Variants in NRXN1 observed in about 807,000 individuals in gnomAD.
NRXN1 encodes the protein neurexin-1.
In NRXN1, 39 loss-of-function variants were observed where a neutral mutation model predicts 150.9. The ratio of observed to expected loss-of-function variants is 0.26; its 90% CI spans 0.20 to 0.34. The LOEUF is 0.34. Ranked by LOEUF, NRXN1 falls within the 10% of genes least tolerant of loss-of-function variation. NRXN1 has a pLI of 1.00. For missense variants in NRXN1, 1,815 were observed against 1,949.9 expected (o/e 0.93, Z 1.30); for synonymous variants, 924 against 757.0 (o/e 1.22, Z -3.62).
intron 17 of NRXN1, among the ~76,000 whole-genome samples, chr2:50,409,498 G>C (rs1222096789): frequency 2.0e-5 from 3 of 152,174 alleles, no homozygotes; most frequent in African/African-American, 4.8e-5. Context: ...AAGTAGGCTT[G>C]TCATTCTCAA....
intron 18 of NRXN1, among the ~76,000 whole-genome samples, chr2:50,216,992 A>G (rs2063446427): frequency 1.3e-5 from 2 of 152,164 alleles, no homozygotes; most frequent in South Asian, 4.1e-4. Flanking sequence ...GGCTAAAAAC[A>G]GCTTCCCAGT....
intron 17 of NRXN1, among the ~76,000 whole-genome samples, chr2:50,292,827 C>T (rs1310769450): frequency 1.3e-5 from 2 of 152,004 alleles, no homozygotes; most frequent in African/African-American, 4.8e-5. Flanking sequence ...CTCAATAATG[C>T]CAAATCTTGA....
chr2:50,622,525 T>C (rs952312979), intron 6 of NRXN1, among the ~76,000 whole-genome samples: 1 of 152,206 alleles, frequency 6.6e-6, no homozygotes, highest in African/African-American at 2.4e-5. Flanking sequence ...CCAAAACTTA[T>C]AATGTTCAAT....
intron 5 of NRXN1, among the ~76,000 whole-genome samples, chr2:50,876,739 G>A (rs780624599): frequency 2.6e-5 from 4 of 151,608 alleles, no homozygotes; most frequent in Admixed American, 6.6e-5. Flanking sequence ...TTTGCCTACC[G>A]TTCGGCTCTT....
intron 2 of NRXN1, among the ~76,000 whole-genome samples, chr2:51,020,407 T>C (rs1669422546): frequency 6.6e-6 from 1 of 152,002 alleles, no homozygotes; most frequent in African/African-American, 2.4e-5. Flanking sequence ...TTTTAAAGCA[T>C]AATAATAAGA....
intron 5 of NRXN1, among the ~76,000 whole-genome samples, chr2:50,676,110 C>T (rs546099107): frequency 6.6e-6 from 1 of 152,114 alleles, no homozygotes; most frequent in South Asian, 2.1e-4. Flanking sequence ...CCTCCCAGAG[C>T]TAATGATTTT....
At chr2:50,210,583 A>G (rs1040867554) in intron 18 of NRXN1, among the ~76,000 whole-genome samples, 3 of 151,754 alleles carry the variant, frequency 2.0e-5, no homozygotes, top group African/African-American at 4.8e-5. Flanking sequence ...GTTGATCCAT[A>G]TAATAATTTA....
chr2:50,621,294 G>C, intron 6 of NRXN1, 45 bp from the exon 7 acceptor site: 1 of 1,443,750 alleles, frequency 6.9e-7, no homozygotes, highest in Non-Finnish European at 9.5e-7. Flanking sequence ...ACTGTGAACA[G>C]AATAACGATC....
intron 5 of NRXN1, among the ~76,000 whole-genome samples, chr2:50,736,527 C>A (rs998095658): frequency 1.1e-4 from 17 of 152,188 alleles, no homozygotes; most frequent in African/African-American, 4.1e-4. Flanking sequence ...TGTTATAGGG[C>A]GGACCTGGTG....
chr2:50,063,964 G>A (rs1006400748), intron 19 of NRXN1, among the ~76,000 whole-genome samples: 2 of 152,050 alleles, frequency 1.3e-5, no homozygotes, highest in African/African-American at 4.8e-5. Flanking sequence ...GGTATTTCTT[G>A]TTCAAGATCC....
At chr2:50,271,315 T>C (rs1283108674) in intron 17 of NRXN1, among the ~76,000 whole-genome samples, 2 of 152,156 alleles carry the variant, frequency 1.3e-5, no homozygotes, top group African/African-American at 4.8e-5. Flanking sequence ...AAAAAATATA[T>C]TTTCTGTCTA....
At chr2:50,275,560 T>C (rs1437489690) in intron 17 of NRXN1, among the ~76,000 whole-genome samples, 1 of 152,104 alleles carries the variant, frequency 6.6e-6, no homozygotes, top group Non-Finnish European at 1.5e-5. Flanking sequence ...CAGAACATAA[T>C]TGTTGCCCCT....
chr2:50,643,045 T>C (rs189463479), intron 5 of NRXN1, among the ~76,000 whole-genome samples: 317 of 152,112 alleles, frequency 2.1e-3, no homozygotes, highest in Non-Finnish European at 3.2e-3. Context: ...CTATATTGAA[T>C]ATATGAGAAA....
At chr2:50,842,853 T>A (rs557644963) in intron 5 of NRXN1, among the ~76,000 whole-genome samples, 1 of 152,310 alleles carries the variant, frequency 6.6e-6, no homozygotes, top group African/African-American at 2.4e-5. Context: ...CATTTTATCC[T>A]GGCTAGAAAA....
chr2:50,275,688 C>G (rs1306455329), intron 17 of NRXN1, among the ~76,000 whole-genome samples: 1 of 152,102 alleles, frequency 6.6e-6, no homozygotes, highest in East Asian at 1.9e-4. Context: ...AATTCACTTA[C>G]ATTACCAATC....
At chr2:50,263,002 C>T (rs1344824528) in intron 17 of NRXN1, among the ~76,000 whole-genome samples, 3 of 151,976 alleles carry the variant, frequency 2.0e-5, no homozygotes, top group African/African-American at 7.2e-5. Flanking sequence ...AGACCTTTCA[C>T]ATCATGGAAT....
At position 50,587,696 on chromosome 2, in the gene NRXN1, T is replaced by C. The variant is rs569517475; in HGVS notation, c.1320+32326A>G. ...TATATGAATAATATTTAGGATGAGA[T>C]TAATTTCAAAAGTAAATTGTTTAAA... On this transcript the variant is annotated intron_variant, in intron 8 of 22. Transcript: ENST00000401669. Among the ~76,000 whole-genome samples, 35 of 152,318 alleles carry C rather than the reference T, an allele frequency of 2.3e-4. 1 individual carries two copies. The highest frequency in any genetic ancestry group is 5.0e-4 in the Non-Finnish European group (34 of 68,040).
At chr2:50,601,958 A>G (rs1676348100) in intron 8 of NRXN1, among the ~76,000 whole-genome samples, 1 of 152,204 alleles carries the variant, frequency 6.6e-6, no homozygotes, top group Admixed American at 6.5e-5. Flanking sequence ...AATATACAGA[A>G]GCTAATAGAG....
chr2:50,025,252 C>A (rs927927563), intron 21 of NRXN1, among the ~76,000 whole-genome samples: 1 of 152,178 alleles, frequency 6.6e-6, no homozygotes, highest in Non-Finnish European at 1.5e-5. Context: ...TCCTACAATA[C>A]ATATATACAA....
Sources: allele counts gnomAD v4.1 joint callset (sites outside exome capture counted in the v4.1 genomes callset), GRCh38; gene constraint gnomAD v4.1.1; transcripts MANE v1.5; gene names NCBI Gene and HGNC (gene_info 2026-07-23, HGNC 2026-07-21).